The following RBM19 variants were observed in gnomAD, a reference collection of about 807,000 sequenced individuals.
The protein encoded by RBM19 is RNA binding motif protein 19.
RBM19 carries 94 observed loss-of-function variants against 116.8 expected under a neutral mutation model. That is an observed-to-expected ratio of 0.80 (90% CI 0.68 to 0.95). RBM19 has a LOEUF of 0.95. Among genes scored for constraint, RBM19 ranks in the 40% least tolerant of loss-of-function variants. The probability of loss-of-function intolerance (pLI) is 0.00; values close to 1 mark genes in which losing one functional copy is unlikely to be tolerated. For synonymous variants in RBM19, 475 were observed against 494.1 expected (o/e 0.96, Z 0.51); for missense variants, 1,161 against 1,220.7 (o/e 0.95, Z 0.73).
chr12:113,914,708 A>G (rs1225936076), intron 21 of RBM19, among the ~76,000 whole-genome samples: 1 of 152,248 alleles, frequency 6.6e-6, no homozygotes, highest in Non-Finnish European at 1.5e-5. Context: ...GGATGGGGAC[A>G]GGGAAGCCTG....
Position 113,898,050 on chromosome 12 carries a change from G to T in RBM19, c.2558+16919C>A, listed in dbSNP as rs747786357. Reference sequence around the variant, plus strand: ...CACAGGTGGGCTTGGCTGGGAAAAAGATCTACAGGTCTAAGTGAACCTGAC... The same window carrying T: ...CACAGGTGGGCTTGGCTGGGAAAAATATCTACAGGTCTAAGTGAACCTGAC... On this transcript the variant is annotated intron_variant, in intron 21 of 23. Coordinates refer to ENST00000261741, the MANE Select transcript of RBM19 (RefSeq NM_016196.4). This position sits in a 1 kb window ranked among gnomAD's most constrained non-coding sequence, Gnocchi z 4.3. Among the ~76,000 whole-genome samples, 25 of 152,270 alleles carry T rather than the reference G, an allele frequency of 1.6e-4. No individual in the cohort carries two copies. Among genetic ancestry groups the T allele is most frequent in the Non-Finnish European group, 2.9e-4 (20 of 68,004 alleles).
chr12:113,877,170 T>C lies in RBM19; in HGVS notation c.2559-18274A>G, dbSNP rs549754496. Among the ~76,000 whole-genome samples the C allele has an allele frequency of 1.7e-4, 26 of 152,360 alleles. No individual in the cohort carries two copies. The East Asian group carries it at 4.4e-3, about 26-fold the overall frequency. ...CTCTAGGGTGTGGAGGTGATTTTAC[T>C]TGAAACAAGGTTTCCGTCAGGGAGA... On this transcript the variant is annotated intron_variant, in intron 21 of 23. Transcript: ENST00000261741.
intron 23 of RBM19, among the ~76,000 whole-genome samples, chr12:113,837,463 G>A (rs1876066156): frequency 6.6e-6 from 1 of 152,218 alleles, no homozygotes; most frequent in Admixed American, 6.5e-5. Flanking sequence ...AATCCTATTT[G>A]TTGACTGCAC....
intron 2 of RBM19, 97 bp from the exon 3 acceptor site, chr12:113,960,275 G>C: frequency 6.5e-7 from 1 of 1,536,004 alleles, no homozygotes; most frequent in Non-Finnish European, 8.9e-7. Context: ...TCAGACAACT[G>C]TCACTGCCTA....
At chr12:113,845,958 C>T (rs754981318) in intron 22 of RBM19, among the ~76,000 whole-genome samples, 3 of 152,206 alleles carry the variant, frequency 2.0e-5, no homozygotes, top group Non-Finnish European at 4.4e-5. Context: ...TTCATATATG[C>T]CAATCTCAAG....
At chr12:113,828,574 A>C (rs1398351939) in intron 23 of RBM19, among the ~76,000 whole-genome samples, 20 of 152,218 alleles carry the variant, frequency 1.3e-4, no homozygotes, top group Non-Finnish European at 2.9e-4. Context: ...GGAGGCCAGA[A>C]TGAGGCTCCA....
chr12:113,824,108 G>C (rs563144423), intron 23 of RBM19, among the ~76,000 whole-genome samples: 1 of 152,298 alleles, frequency 6.6e-6, no homozygotes, highest in East Asian at 1.9e-4. Context: ...GGTGGGCTTA[G>C]CCCCACAAGC....
intron 6 of RBM19, 104 bp from the exon 7 acceptor site, chr12:113,955,315 C>T: frequency 9.1e-7 from 1 of 1,096,298 alleles, no homozygotes; most frequent in Non-Finnish European, 1.4e-6. Context: ...GTGCCTGCCG[C>T]CAGGGGGAGC....
At chr12:113,935,645 G>C (rs1869988314) in intron 16 of RBM19, among the ~76,000 whole-genome samples, 1 of 152,216 alleles carries the variant, frequency 6.6e-6, no homozygotes, top group South Asian at 2.1e-4. Context: ...TGAATGCCTT[G>C]CGCTGGCTGA....
chr12:113,818,942 T>A (rs1046730295), downstream of RBM19, among the ~76,000 whole-genome samples: 4 of 152,136 alleles, frequency 2.6e-5, no homozygotes, highest in African/African-American at 9.7e-5. Context: ...TCCTCACCCA[T>A]CCAGGGGTGG....
chr12:113,823,000 G>A lies in RBM19; in HGVS notation c.*224C>T. The A allele has an allele frequency of 1.8e-6, 1 of 554,840 alleles. No homozygotes were observed. Among genetic ancestry groups the A allele is most frequent in the Non-Finnish European group, 3.2e-6 (1 of 308,340 alleles). The allele number at this position is 554,840 out of a possible 1,614,324, so 34.4% of individuals were successfully genotyped here. A position where few individuals can be genotyped will look rare whatever the true frequency, so the allele number is the denominator to read the frequency against. On this transcript the variant is annotated 3_prime_UTR_variant, in exon 24 of 24. Coordinates refer to ENST00000261741, the MANE Select transcript of RBM19 (RefSeq NM_016196.4). Reference sequence around the variant, plus strand: ...GCTACAGAGCAGGTGCGCAGTCAGTGTCTGCTAGAACGCGTCACTGGTGAA... The same window carrying A: ...GCTACAGAGCAGGTGCGCAGTCAGTATCTGCTAGAACGCGTCACTGGTGAA...
intron 23 of RBM19, among the ~76,000 whole-genome samples, chr12:113,836,994 TACACACACACACAC>T (rs55991489): frequency 0.16 from 8,877 of 56,058 alleles, 666 homozygotes; most frequent in South Asian, 0.23. Flanking sequence ...ACTTACTACA[TACACACACACACAC>T]ACACACACAC....
rs547238659 is a variant in RBM19 at position 113,823,128 on chromosome 12, G to C, written c.*96C>G. 406 of 940,322 alleles carry C rather than the reference G, an allele frequency of 4.3e-4. No individual in the cohort carries two copies. The highest frequency in any genetic ancestry group is 8.3e-4 in the East Asian group (28 of 33,880). 58.2% of individuals were successfully genotyped at this position (940,322 alleles called of 1,614,324 possible). On this transcript the variant is annotated 3_prime_UTR_variant, in exon 24 of 24. Coordinates refer to ENST00000261741, the MANE Select transcript of RBM19 (RefSeq NM_016196.4). ...AGGGTGGGGCCGCCTGCCGCTCCCC[G>C]CCCCGCCCCCCAGCCCACATGGTGG...
At chr12:113,873,683 A>G (rs1277561709) in intron 21 of RBM19, among the ~76,000 whole-genome samples, 94 of 107,460 alleles carry the variant, frequency 8.7e-4, no homozygotes, top group African/African-American at 2.8e-3. Context: ...CAATAAAAAA[A>G]TAAATTAAAA....
intron 22 of RBM19, among the ~76,000 whole-genome samples, chr12:113,850,764 C>T (rs1357686590): frequency 6.6e-6 from 1 of 152,228 alleles, no homozygotes; most frequent in African/African-American, 2.4e-5. Flanking sequence ...ATTCTCCTGG[C>T]CCCTTCTGCT....
At chr12:113,933,927 A>G (rs1593609747) in intron 16 of RBM19, among the ~76,000 whole-genome samples, 1 of 152,120 alleles carries the variant, frequency 6.6e-6, no homozygotes, top group South Asian at 2.1e-4. Context: ...TGAGTTAAAG[A>G]CTATCCACTG....
chr12:113,923,203 G>T (rs1018527224), intron 18 of RBM19, among the ~76,000 whole-genome samples: 6 of 152,144 alleles, frequency 3.9e-5, no homozygotes, highest in African/African-American at 1.4e-4. Flanking sequence ...GATGACTGCT[G>T]TTCTTTTAAA....
At chr12:113,885,565 T>C (rs1435045786) in intron 21 of RBM19, among the ~76,000 whole-genome samples, 2 of 152,214 alleles carry the variant, frequency 1.3e-5, no homozygotes, top group Admixed American at 1.3e-4. Flanking sequence ...TGTCTCTAGG[T>C]TAATTTCCTG....
intron 23 of RBM19, among the ~76,000 whole-genome samples, chr12:113,824,622 G>T (rs560670526): frequency 2.0e-5 from 3 of 152,122 alleles, no homozygotes; most frequent in African/African-American, 7.2e-5. Context: ...GCTCCCTGGA[G>T]CTCACAGCAG....
Sources: gnomAD v4.1 joint callset for allele counts (sites outside exome capture counted in the v4.1 genomes callset) on GRCh38, gnomAD v4.1.1 for gene constraint, Gnocchi (gnomAD v3.1) non-coding constraint, MANE v1.5 for transcripts, NCBI Gene and HGNC (gene_info 2026-07-23, HGNC 2026-07-21) for gene names.